The following CGNL1 variants were observed in gnomAD, a reference collection of about 807,000 sequenced individuals.
The protein encoded by CGNL1 is cingulin-like protein 1.
CGNL1 carries 132 observed loss-of-function variants against 141.2 expected under a neutral mutation model. The observed-to-expected ratio is 0.93, with a 90% CI of 0.81 to 1.08. The LOEUF is 1.08. Among genes scored for constraint, CGNL1 ranks in the 50% least tolerant of loss-of-function variants. CGNL1 has a pLI of 0.00. For missense variants in CGNL1, 1,870 were observed against 1,588.6 expected, an observed-to-expected ratio of 1.18 and a Z score of -3.01; for synonymous variants, 690 against 622.1, an observed-to-expected ratio of 1.11 and a Z score of -1.63.
rs191589925 is a variant in CGNL1, at chr15:57,541,342, G to A, written c.3292-2354G>A. The stretch of plus-strand genomic sequence containing the variant: ...GGGAGGCACGTCTGTCCTCAGTCCC[G>A]TGGCCCAGCTGTTCTGCTGACCTCC... On this transcript the variant is annotated intron_variant, in intron 14 of 18. Transcript: ENST00000281282. 6.7e-4 allele frequency among the ~76,000 whole-genome samples: 102 copies of A among 152,372 alleles called. 1 individual carries two copies. The South Asian group carries it at 0.012, about 19-fold the overall frequency.
chr15:57,517,075 T>G, intron 9 of CGNL1, 89 bp downstream of exon 9: 1 of 1,270,422 alleles, frequency 7.9e-7, no homozygotes, highest in Non-Finnish European at 1.1e-6. Flanking sequence ...AAGGGATTTA[T>G]TGTCATGATG....
At chr15:57,475,694 C>T (rs939901317) in intron 8 of CGNL1, among the ~76,000 whole-genome samples, 4 of 152,106 alleles carry the variant, frequency 2.6e-5, no homozygotes, top group Non-Finnish European at 4.4e-5. Context: ...CAGGGCTGTA[C>T]GTATTCCAGC....
rs746996932 is a variant in CGNL1 at position 57,461,772 on chromosome 15, C to T, written c.2283C>T (p.Thr761=). ...DLLRKREREL[T]ALKGALKEEV... is the part of the protein sequence containing the mutation. ...TGAGAAAGCGAGAGCGTGAACTCACCGCCCTGAAGGGAGCCCTGAAAGAAG... is the reference window on the plus strand; with the variant it reads ...TGAGAAAGCGAGAGCGTGAACTCACTGCCCTGAAGGGAGCCCTGAAAGAAG... Residue 761 remains threonine, a synonymous_variant, in exon 8 of 19, where the codon ACC becomes ACT. Coordinates refer to ENST00000281282, the MANE Select transcript of CGNL1 (RefSeq NM_032866.5). 16 of 1,613,964 alleles carry T rather than the reference C, an allele frequency of 9.9e-6. No homozygotes were observed. In the East Asian group the frequency reaches 1.3e-4, roughly 13 times the overall value.
At chr15:57,464,701 T>TTTCCTTTCCTTTCCTTTCCA (rs2063489204) in intron 8 of CGNL1, among the ~76,000 whole-genome samples, 2 of 149,050 alleles carry the variant, frequency 1.3e-5, no homozygotes, top group African/African-American at 5.0e-5. Flanking sequence ...TTTCCTTTCC[T>TTTCCTTTCCTTTCCTTTCCA]TTCCTTTCCT....
intron 8 of CGNL1, among the ~76,000 whole-genome samples, chr15:57,466,314 C>T (rs566470389): frequency 1.1e-4 from 17 of 152,196 alleles, no homozygotes; most frequent in South Asian, 4.2e-4. Flanking sequence ...AGGAAATGGG[C>T]GCTCAATAGG....
intron 8 of CGNL1, among the ~76,000 whole-genome samples, chr15:57,474,800 G>T (rs2063630564): frequency 6.6e-6 from 1 of 152,158 alleles, no homozygotes; most frequent in Non-Finnish European, 1.5e-5. Context: ...ATATGTAGGG[G>T]GATGGAGTAA....
chr15:57,442,402 G>T lies in CGNL1; in HGVS notation c.1727G>T (p.Arg576Met). The T allele has an allele frequency of 6.2e-7, 1 of 1,613,408 alleles. No individual in the cohort carries two copies. Among genetic ancestry groups the T allele is most frequent in the Non-Finnish European group, 8.5e-7 (1 of 1,179,546 alleles). The change falls in exon 4 of 19, where the codon AGG becomes ATG. Residue 576 changes from arginine (R) to methionine (M), a missense_variant. Coordinates refer to ENST00000281282, the MANE Select transcript of CGNL1 (RefSeq NM_032866.5). The stretch of plus-strand genomic sequence containing the variant: ...ACTGATAATGACGATGCTACTAAAA[G>T]GAAAGTCAACTTGGTCTTTGAGAAA... Reference protein sequence around the residue: ...GSTDNDDATKRKVNLVFEKIQ... With the variant: ...GSTDNDDATKMKVNLVFEKIQ...
intron 14 of CGNL1, among the ~76,000 whole-genome samples, chr15:57,541,059 G>A (rs1451439997): frequency 6.6e-6 from 1 of 152,232 alleles, no homozygotes; most frequent in Non-Finnish European, 1.5e-5. Flanking sequence ...GAGGCACCAG[G>A]TTGTGCTTTT....
At position 57,438,151 on chromosome 15, in the gene CGNL1, G is replaced by A. The variant is rs753388710; in HGVS notation, c.152G>A (p.Gly51Asp). The A allele has an allele frequency of 1.9e-6, 3 of 1,614,132 alleles. No homozygotes were observed. Among genetic ancestry groups the A allele is most frequent in the South Asian group, 1.1e-5 (1 of 91,074 alleles). Residue 51 changes from glycine (G) to aspartate (D), a missense_variant, in exon 2 of 19, where the codon GGT becomes GAT. Coordinates refer to ENST00000281282, the MANE Select transcript of CGNL1 (RefSeq NM_032866.5). The stretch of plus-strand genomic sequence containing the variant: ...AGTATTCGGGTCCAGGGAATTGATG[G>A]TCACCCCTATATTGTCCTGAATAAC... ...GVSIRVQGID[G>D]HPYIVLNNTE... is the part of the protein sequence containing the mutation.
intron 7 of CGNL1, among the ~76,000 whole-genome samples, chr15:57,460,053 G>A (rs1217157565): frequency 1.3e-5 from 2 of 152,156 alleles, no homozygotes; most frequent in Non-Finnish European, 2.9e-5. Context: ...ATGCAAAGTT[G>A]CAATCTTGGA....
chr15:57,430,277 C>G lies in CGNL1; in HGVS notation c.-15-7708C>G, dbSNP rs367628908. On this transcript the variant is annotated intron_variant, in intron 1 of 18. Coordinates refer to ENST00000281282, the MANE Select transcript of CGNL1 (RefSeq NM_032866.5). Reference sequence around the variant, plus strand: ...TCAGAAATATTTCCTGCTTCTGCATCTCGGAGTCAGGTGCCATTACTTGTC... The same window carrying G: ...TCAGAAATATTTCCTGCTTCTGCATGTCGGAGTCAGGTGCCATTACTTGTC... Among the ~76,000 whole-genome samples the G allele has an allele frequency of 8.5e-5, 13 of 152,164 alleles. No homozygotes were observed. The East Asian group carries it at 1.5e-3, about 18-fold the overall frequency.
intron 10 of CGNL1, among the ~76,000 whole-genome samples, chr15:57,521,245 A>G (rs557178724): frequency 4.8e-4 from 73 of 152,280 alleles, no homozygotes; most frequent in Non-Finnish European, 7.9e-4. Context: ...TGAATTATGG[A>G]GGAGGAAGAC....
chr15:57,474,312 C>A (rs917718687), intron 8 of CGNL1, among the ~76,000 whole-genome samples: 3 of 152,160 alleles, frequency 2.0e-5, no homozygotes, highest in African/African-American at 7.2e-5. Context: ...CGGGAATAAA[C>A]AACTGATAGA....
At chr15:57,481,993 C>G (rs1259287131) in intron 8 of CGNL1, among the ~76,000 whole-genome samples, 1 of 152,104 alleles carries the variant, frequency 6.6e-6, no homozygotes, top group Admixed American at 6.5e-5. Context: ...TGGTTTTACG[C>G]AGTTTTCTAA....
At chr15:57,429,368 T>C (rs1284100568) in intron 1 of CGNL1, among the ~76,000 whole-genome samples, 2 of 152,234 alleles carry the variant, frequency 1.3e-5, no homozygotes, top group African/African-American at 2.4e-5. Context: ...GTGTCTGCAC[T>C]AACCAACCAA....
At chr15:57,539,545 G>A (rs1353252303) in intron 14 of CGNL1, among the ~76,000 whole-genome samples, 3 of 152,282 alleles carry the variant, frequency 2.0e-5, no homozygotes, top group Non-Finnish European at 4.4e-5. Flanking sequence ...TGTCTTAGTC[G>A]CTGCTGGATT....
At chr15:57,393,285 A>G (rs1336339914) in intron 1 of CGNL1, among the ~76,000 whole-genome samples, 4 of 152,240 alleles carry the variant, frequency 2.6e-5, no homozygotes, top group Non-Finnish European at 5.9e-5. Flanking sequence ...CTTTATTCAG[A>G]CAATGATAAT....
intron 10 of CGNL1, among the ~76,000 whole-genome samples, chr15:57,521,999 C>T (rs541255770): frequency 6.6e-6 from 1 of 152,266 alleles, no homozygotes; most frequent in South Asian, 2.1e-4. Context: ...GGTTCTATAA[C>T]TCCTCCTCAC....
chr15:57,393,542 G>A (rs1221200148), intron 1 of CGNL1, among the ~76,000 whole-genome samples: 1 of 152,166 alleles, frequency 6.6e-6, no homozygotes, highest in Non-Finnish European at 1.5e-5. Context: ...TGTTTAATGG[G>A]TTCTTGGAAA....
Sources: gnomAD v4.1 joint callset for allele counts (sites outside exome capture counted in the v4.1 genomes callset) on GRCh38, gnomAD v4.1.1 for gene constraint, MANE v1.5 for transcripts, NCBI Gene and HGNC (gene_info 2026-07-23, HGNC 2026-07-21) for gene names.